The following HMCN1 variants were observed in gnomAD, a reference collection of about 807,000 sequenced individuals.
HMCN1 encodes the protein hemicentin-1.
In HMCN1, 321 loss-of-function variants were observed where a neutral mutation model predicts 625.9. That is an observed-to-expected ratio of 0.51 (90% confidence interval 0.47 to 0.56). The LOEUF is 0.56. HMCN1 is among the 20% of genes least tolerant of loss of function. The pLI, the probability that HMCN1 is intolerant of heterozygous loss-of-function variation, is 0.00. For synonymous variants in HMCN1, 2,425 were observed against 2,417.6 expected (o/e 1.00, Z -0.09); for missense variants, 6,588 against 6,887.3 (o/e 0.96, Z 1.54).
In HMCN1 at chr1:186,070,641, T is replaced by C; in HGVS notation, c.8023T>C (p.Trp2675Arg). The change falls in exon 52 of 107, where the codon TGG becomes CGG. Residue 2675 changes from tryptophan (W) to arginine (R), a missense_variant. By Grantham distance (101) the Trp-to-Arg change is moderately radical. This residue lies in a region of HMCN1 where 4,628 missense variants were observed against 4,853.1 expected (regional missense o/e 0.95). Coordinates refer to ENST00000271588, the MANE Select transcript of HMCN1 (RefSeq NM_031935.3). ...ACCCATAATCAATAAAGGGGACCTT[T>C]GGGGGCCAGGTCTTTCCCCTAAAGA... is the stretch of plus-strand genomic sequence containing the variant. ...IPPIINKGDL[W>R]GPGLSPKEVK... The C allele has an allele frequency of 6.2e-7, 1 of 1,613,460 alleles. No homozygotes were observed. The highest frequency in any genetic ancestry group is 8.5e-7 in the Non-Finnish European group (1 of 1,179,434).
intron 4 of HMCN1, among the ~76,000 whole-genome samples, chr1:185,886,933 G>A (rs1664693933): frequency 6.6e-6 from 1 of 152,062 alleles, no homozygotes; most frequent in African/African-American, 2.4e-5. Context: ...CCATCCAAAT[G>A]TATCTCCAGG....
chr1:185,992,962 A>T (rs1458302338), intron 22 of HMCN1, among the ~76,000 whole-genome samples: 2 of 152,164 alleles, frequency 1.3e-5, no homozygotes, highest in African/African-American at 4.8e-5. Flanking sequence ...GACCATTAAG[A>T]TTTAAAAGTA....
intron 71 of HMCN1, among the ~76,000 whole-genome samples, chr1:186,109,971 GGA>G (rs1660799717): frequency 6.6e-6 from 1 of 152,164 alleles, no homozygotes; most frequent in Admixed American, 6.5e-5. Flanking sequence ...TGTTGATGAT[GGA>G]GGAGTCTAGG....
intron 1 of HMCN1, among the ~76,000 whole-genome samples, chr1:185,740,229 A>C (rs1243659062): frequency 6.6e-6 from 1 of 152,182 alleles, no homozygotes; most frequent in Non-Finnish European, 1.5e-5. Context: ...GCATCTACAT[A>C]ATCATTCTGT....
intron 86 of HMCN1, among the ~76,000 whole-genome samples, chr1:186,134,631 G>T (rs934835473): frequency 6.6e-6 from 1 of 152,044 alleles, no homozygotes; most frequent in South Asian, 2.1e-4. Context: ...AACATGTCAC[G>T]GATACCTTTG....
intron 1 of HMCN1, among the ~76,000 whole-genome samples, chr1:185,740,763 G>A (rs559108172): frequency 1.8e-3 from 268 of 152,222 alleles, no homozygotes; most frequent in Non-Finnish European, 2.9e-3. Flanking sequence ...GGAGGCTGAG[G>A]CAGACAGATT....
At chr1:185,957,076 A>G (rs749557517) in intron 11 of HMCN1, 1 of 152,212 alleles carries the variant, frequency 6.6e-6, no homozygotes, top group Non-Finnish European at 1.5e-5. Context: ...ACCCTTATCT[A>G]TCATGTTTCC....
At chr1:186,043,888 G>A (rs1656372938) in intron 40 of HMCN1, among the ~76,000 whole-genome samples, 1 of 152,062 alleles carries the variant, frequency 6.6e-6, no homozygotes, top group Non-Finnish European at 1.5e-5. Flanking sequence ...TGGCCAACAT[G>A]GTGAAACCCT....
In HMCN1 at chr1:186,113,973, G is replaced by A. The variant is rs753340231; in HGVS notation, c.11132-6G>A. ...CTGAATTTTTTCATGTGTATCTCTTGTTCAGTTCCTCCAAACATAAAGGGG... is the reference window on the plus strand; with the variant it reads ...CTGAATTTTTTCATGTGTATCTCTTATTCAGTTCCTCCAAACATAAAGGGG... On this transcript the variant is annotated splice_polypyrimidine_tract_variant and splice_region_variant and intron_variant, in intron 72 of 106. Transcript: ENST00000271588. The A allele has an allele frequency of 1.9e-6, 3 of 1,613,782 alleles. No individual in the cohort carries two copies. The highest frequency in any genetic ancestry group is 2.5e-6 in the Non-Finnish European group (3 of 1,179,932).
chr1:186,128,961 T>C (rs1272223435), intron 83 of HMCN1, among the ~76,000 whole-genome samples: 1 of 151,696 alleles, frequency 6.6e-6, no homozygotes, highest in Admixed American at 6.6e-5. Flanking sequence ...GCTTGAGAGT[T>C]TTTTTCTATT....
chr1:186,059,217 C>A (rs933742578), intron 46 of HMCN1, among the ~76,000 whole-genome samples: 1 of 151,990 alleles, frequency 6.6e-6, no homozygotes, highest in Non-Finnish European at 1.5e-5. Flanking sequence ...CTCTCAGTCT[C>A]TGTTGATCTT....
chr1:185,791,755 CAG>C (rs1435469896), intron 1 of HMCN1, among the ~76,000 whole-genome samples: 1 of 151,890 alleles, frequency 6.6e-6, no homozygotes, highest in African/African-American at 2.4e-5. Context: ...CAGAAGTACT[CAG>C]AAATATTAAA....
intron 89 of HMCN1, among the ~76,000 whole-genome samples, chr1:186,141,156 A>G (rs549270914): frequency 6.6e-6 from 1 of 152,262 alleles, no homozygotes; most frequent in African/African-American, 2.4e-5. Flanking sequence ...TCGCACTCCT[A>G]TGAGAATCTA....
At position 186,061,879 on chromosome 1, in the gene HMCN1, C is replaced by T; in HGVS notation, c.7341C>T (p.Thr2447=). The change falls in exon 47 of 107, where the codon ACC becomes ACT. Residue 2447 remains threonine (T), a synonymous_variant. Transcript: ENST00000271588. ...SGGRMLRLMQ[T]TMEDAGQYTC... is the part of the protein sequence containing the mutation. Reference sequence around the variant, plus strand: ...GCAGGATGCTACGGCTGATGCAGACCACAATGGAAGATGCTGGCCAATATA... The same window carrying T: ...GCAGGATGCTACGGCTGATGCAGACTACAATGGAAGATGCTGGCCAATATA... 1.9e-6 allele frequency: 3 copies of T among 1,612,728 alleles called. No homozygotes were observed. In the South Asian group the frequency reaches 3.3e-5, roughly 18 times the overall value.
chr1:186,155,875 T>TAA (rs1232530471), intron 97 of HMCN1, among the ~76,000 whole-genome samples: 18 of 152,230 alleles, frequency 1.2e-4, no homozygotes, highest in Non-Finnish European at 2.6e-4. Flanking sequence ...AGACTAGAGC[T>TAA]AAGTATGGTT....
At chr1:186,060,233 C>G (rs1438115552) in intron 46 of HMCN1, among the ~76,000 whole-genome samples, 3 of 151,966 alleles carry the variant, frequency 2.0e-5, no homozygotes, top group Non-Finnish European at 4.4e-5. Context: ...AAACAGAAAA[C>G]AGATAGAATA....
At position 186,011,307 on chromosome 1, in the gene HMCN1, G is replaced by T. The variant is rs542494280; in HGVS notation, c.4631-3852G>T. Among the ~76,000 whole-genome samples, 5 of 152,298 alleles carry T rather than the reference G, an allele frequency of 3.3e-5. No individual in the cohort carries two copies. In the South Asian group the frequency reaches 1.0e-3, roughly 32 times the overall value. ...TGATCCGCCCACCTCAGCCTGCCAA[G>T]TGCTGGGATTACAGGCATGAGCCAT... On this transcript the variant is annotated intron_variant, in intron 30 of 106. Coordinates refer to ENST00000271588, the MANE Select transcript of HMCN1 (RefSeq NM_031935.3).
At chr1:185,829,148 A>G (rs1303971151) in intron 1 of HMCN1, among the ~76,000 whole-genome samples, 8 of 152,182 alleles carry the variant, frequency 5.3e-5, no homozygotes, top group Admixed American at 5.2e-4. Context: ...AAGGTGAACA[A>G]TTTGAAAAAT....
chr1:185,876,691 G>C (rs749860948), intron 4 of HMCN1, among the ~76,000 whole-genome samples: 29 of 151,760 alleles, frequency 1.9e-4, no homozygotes, highest in Admixed American at 2.0e-4. Context: ...TCATATGTTT[G>C]TTGGCCATTT....
Sources: gnomAD v4.1 joint callset for allele counts (sites outside exome capture counted in the v4.1 genomes callset) on GRCh38, gnomAD v4.1.1 for gene constraint, gnomAD v4.1.1 regional missense constraint, MANE v1.5 for transcripts, NCBI Gene and HGNC (gene_info 2026-07-23, HGNC 2026-07-21) for gene names.